The following POU2F1 variants were observed in gnomAD, a reference collection of about 807,000 sequenced individuals.
POU2F1 encodes POU class 2 homeobox 1.
POU2F1 carries 16 observed loss-of-function variants against 84.9 expected under a neutral mutation model. The ratio of observed to expected loss-of-function variants is 0.19; its 90% CI spans 0.13 to 0.29. The LOEUF is 0.29. POU2F1 is among the 10% of genes least tolerant of loss of function. The probability of loss-of-function intolerance (pLI) is 1.00; values close to 1 mark genes in which losing one functional copy is unlikely to be tolerated. For missense variants in POU2F1, 738 were observed against 942.6 expected, an observed-to-expected ratio of 0.78 and a Z score of 2.84; for synonymous variants, 368 against 368.3, an observed-to-expected ratio of 1.00 and a Z score of 0.01.
At chr1:167,377,373 T>G (rs1571400460) in intron 7 of POU2F1, among the ~76,000 whole-genome samples, 1 of 151,086 alleles carries the variant, frequency 6.6e-6, no homozygotes, top group Admixed American at 6.6e-5. Context: ...GATCACGAGG[T>G]CAGGAGATCG....
intron 1 of POU2F1, among the ~76,000 whole-genome samples, chr1:167,292,205 A>G (rs375010972): frequency 2.0e-5 from 3 of 152,216 alleles, no homozygotes; most frequent in East Asian, 1.9e-4. Context: ...TATCTATTAT[A>G]TAAGTCAGAA....
chr1:167,411,075 C>G (rs1649928875), intron 13 of POU2F1, among the ~76,000 whole-genome samples: 2 of 149,768 alleles, frequency 1.3e-5, no homozygotes, highest in South Asian at 2.1e-4. Flanking sequence ...GAGTCTTGCT[C>G]TGTCGCCAGG....
intron 1 of POU2F1, among the ~76,000 whole-genome samples, chr1:167,293,162 T>C (rs1654043035): frequency 6.6e-6 from 1 of 152,114 alleles, no homozygotes; most frequent in Non-Finnish European, 1.5e-5. Context: ...GCCAGAGCAG[T>C]CACGCAAGAG....
At chr1:167,341,676 C>T (rs1233225567) in intron 2 of POU2F1, among the ~76,000 whole-genome samples, 1 of 152,160 alleles carries the variant, frequency 6.6e-6, no homozygotes, top group Non-Finnish European at 1.5e-5. Flanking sequence ...TCTGCAACTC[C>T]CAAAGCCCAA....
At chr1:167,277,078 C>G (rs1652778617) in intron 1 of POU2F1, among the ~76,000 whole-genome samples, 1 of 152,034 alleles carries the variant, frequency 6.6e-6, no homozygotes, top group African/African-American at 2.4e-5. Flanking sequence ...TCTTTCAGAC[C>G]TGTTCTTATT....
At chr1:167,334,778 T>C (rs1410745228) in intron 2 of POU2F1, among the ~76,000 whole-genome samples, 1 of 152,240 alleles carries the variant, frequency 6.6e-6, no homozygotes, top group Non-Finnish European at 1.5e-5. Flanking sequence ...TATTTAAGCA[T>C]ATAACAAATG....
chr1:167,360,707 GT>G (rs1419237070), intron 2 of POU2F1, among the ~76,000 whole-genome samples: 1 of 151,990 alleles, frequency 6.6e-6, no homozygotes, highest in African/African-American at 2.4e-5. Context: ...TTTTAGAATA[GT>G]TTTTTTCTAA....
chr1:167,303,331 G>A (rs1298398108), intron 1 of POU2F1: 1 of 153,394 alleles, frequency 6.5e-6, no homozygotes, highest in African/African-American at 2.4e-5. Context: ...GGTACAAGAG[G>A]TGCCTGCCTA....
At chr1:167,221,103 C>T (rs1268885998) in intron 1 of POU2F1, 145 bp downstream of exon 1, 3 of 805,840 alleles carry the variant, frequency 3.7e-6, no homozygotes, top group Non-Finnish European at 5.9e-6. Context: ...GCATTGAGCC[C>T]CCGCCGGGCG....
rs1650354046 is a variant in POU2F1 at position 167,416,963 on chromosome 1, G to A, written c.*1153G>A. ...TGTGTTTGTTTGTTTGTTCCATTTTGTGGAAGTTTTTCATCCAAACTTTAA... is the reference window on the plus strand; with the variant it reads ...TGTGTTTGTTTGTTTGTTCCATTTTATGGAAGTTTTTCATCCAAACTTTAA... On this transcript the variant is annotated 3_prime_UTR_variant, in exon 16 of 16. Coordinates refer to ENST00000367866, the MANE Select transcript of POU2F1 (RefSeq NM_002697.4). The A allele has an allele frequency of 6.6e-6, 1 of 151,996 alleles. No homozygotes were observed. The highest frequency in any genetic ancestry group is 1.5e-5 in the Non-Finnish European group (1 of 67,984). The allele number at this position is 151,996 out of a possible 1,614,324, so 9.4% of individuals were successfully genotyped here.
chr1:167,230,203 A>G (rs1353241984), intron 1 of POU2F1, among the ~76,000 whole-genome samples: 1 of 152,164 alleles, frequency 6.6e-6, no homozygotes, highest in Non-Finnish European at 1.5e-5. Context: ...TGGTCAAGCC[A>G]GTGTGTTTGG....
At chr1:167,324,779 C>T (rs1005493963) in intron 1 of POU2F1, among the ~76,000 whole-genome samples, 1 of 152,140 alleles carries the variant, frequency 6.6e-6, no homozygotes, top group African/African-American at 2.4e-5. Context: ...TTTGGCAGTG[C>T]TTAATAGCCA....
At chr1:167,380,363 C>T (rs10800306) in intron 7 of POU2F1, 109,578 of 152,124 alleles carry the variant, frequency 0.72, 39,698 homozygotes, top group East Asian at 0.87. Flanking sequence ...GCTGCTGTTA[C>T]CATTATGACA....
At chr1:167,355,876 T>G (rs1414952454) in intron 2 of POU2F1, among the ~76,000 whole-genome samples, 1 of 152,184 alleles carries the variant, frequency 6.6e-6, no homozygotes, top group Admixed American at 6.5e-5. Flanking sequence ...TTCAGGACTT[T>G]GTATCTTTTA....
intron 1 of POU2F1, among the ~76,000 whole-genome samples, chr1:167,279,325 CA>C (rs1652956371): frequency 6.6e-6 from 1 of 152,134 alleles, no homozygotes. Context: ...TACAAGTTAT[CA>C]AAAGTAAGTT....
At chr1:167,245,083 T>C (rs1650211196) in intron 1 of POU2F1, among the ~76,000 whole-genome samples, 1 of 152,176 alleles carries the variant, frequency 6.6e-6, no homozygotes, top group Non-Finnish European at 1.5e-5. Flanking sequence ...AATAAAACTT[T>C]TTAAAAAAAT....
intron 2 of POU2F1, 29 bp from the exon 3 acceptor site, chr1:167,365,438 T>G (rs1002275261): frequency 6.8e-7 from 1 of 1,464,684 alleles, no homozygotes; most frequent in African/African-American, 1.4e-5. Context: ...TTTCTTTTAA[T>G]AGTTGAAATT....
At chr1:167,246,545 A>G (rs1280830481) in intron 1 of POU2F1, among the ~76,000 whole-genome samples, 1 of 152,236 alleles carries the variant, frequency 6.6e-6, no homozygotes, top group Admixed American at 6.5e-5. Context: ...TAGCTTCACA[A>G]ATAATCTAAG....
chr1:167,263,936 A>G (rs1012776831), intron 1 of POU2F1, among the ~76,000 whole-genome samples: 1 of 152,128 alleles, frequency 6.6e-6, no homozygotes, highest in Middle Eastern at 3.2e-3. Context: ...AAGCTCTTCT[A>G]TTACTTGTTA....
Sources: allele counts gnomAD v4.1 joint callset (sites outside exome capture counted in the v4.1 genomes callset), GRCh38; gene constraint gnomAD v4.1.1; transcripts MANE v1.5; gene names NCBI Gene and HGNC (gene_info 2026-07-23, HGNC 2026-07-21).